The following CDKAL1 variants were observed in gnomAD, a reference collection of about 807,000 sequenced individuals.
CDKAL1 encodes the protein threonylcarbamoyladenosine tRNA methylthiotransferase.
CDKAL1 carries 32 observed loss-of-function variants against 68.2 expected under a neutral mutation model. The ratio of observed to expected loss-of-function variants is 0.47; its 90% CI spans 0.35 to 0.63. The LOEUF (loss-of-function observed/expected upper bound fraction) is 0.63. Among genes scored for constraint, CDKAL1 ranks in the 30% least tolerant of loss-of-function variants. The pLI is 0.00. For missense variants in CDKAL1, 606 were observed against 696.7 expected (o/e 0.87, Z 1.47); for synonymous variants, 234 against 244.3 (o/e 0.96, Z 0.39).
intron 13 of CDKAL1, among the ~76,000 whole-genome samples, chr6:21,110,308 C>G (rs565588303): frequency 1.3e-5 from 2 of 152,190 alleles, no homozygotes; most frequent in South Asian, 4.1e-4. Flanking sequence ...CCAGGCAAAT[C>G]TATCCATGTT....
At chr6:21,123,914 G>GC (rs1230694911) in intron 13 of CDKAL1, among the ~76,000 whole-genome samples, 2 of 152,154 alleles carry the variant, frequency 1.3e-5, no homozygotes, top group African/African-American at 2.4e-5. Context: ...CCAAATTAGT[G>GC]CCCCCCAAAG....
chr6:21,167,068 G>A (rs1262447284), intron 13 of CDKAL1, among the ~76,000 whole-genome samples: 4 of 152,178 alleles, frequency 2.6e-5, no homozygotes, highest in Non-Finnish European at 5.9e-5. Context: ...GAACAAATGA[G>A]ATAATGTAGG....
intron 13 of CDKAL1, among the ~76,000 whole-genome samples, chr6:21,186,032 G>A (rs932686712): frequency 3.3e-5 from 5 of 151,774 alleles, no homozygotes; most frequent in Non-Finnish European, 7.4e-5. Flanking sequence ...TCTTGGAGCC[G>A]GGCTCTCAGG....
intron 13 of CDKAL1, among the ~76,000 whole-genome samples, chr6:21,162,663 G>C (rs1157977966): frequency 6.6e-6 from 1 of 152,190 alleles, no homozygotes; most frequent in African/African-American, 2.4e-5. Flanking sequence ...AGTAGCTGAC[G>C]CCTGTAATCC....
intron 5 of CDKAL1, among the ~76,000 whole-genome samples, chr6:20,713,440 ATACT>A (rs1227929818): frequency 6.6e-6 from 1 of 152,180 alleles, no homozygotes; most frequent in African/African-American, 2.4e-5. Context: ...TTAGTTCCTA[ATACT>A]TACTCTCCAC....
chr6:20,923,622 C>T (rs143365296), intron 9 of CDKAL1, among the ~76,000 whole-genome samples: 2 of 152,286 alleles, frequency 1.3e-5, no homozygotes, highest in African/African-American at 2.4e-5. Flanking sequence ...CTCCCTATTG[C>T]CTGACTCACA....
intron 9 of CDKAL1, among the ~76,000 whole-genome samples, chr6:20,946,433 C>A (rs1764239794): frequency 6.6e-6 from 1 of 152,110 alleles, no homozygotes; most frequent in Non-Finnish European, 1.5e-5. Context: ...AAATAAGTGT[C>A]TTTTCCCAAT....
intron 10 of CDKAL1, among the ~76,000 whole-genome samples, chr6:20,984,352 G>A (rs932370173): frequency 6.6e-6 from 1 of 152,124 alleles, no homozygotes; most frequent in African/African-American, 2.4e-5. Context: ...AGGAGCTGGG[G>A]CAAGTGCTTT....
intron 9 of CDKAL1, among the ~76,000 whole-genome samples, chr6:20,861,075 A>G (rs1759598104): frequency 6.6e-6 from 1 of 151,992 alleles, no homozygotes; most frequent in Non-Finnish European, 1.5e-5. Flanking sequence ...TGATGGGGGT[A>G]GGAGTAGTAG....
intron 4 of CDKAL1, among the ~76,000 whole-genome samples, chr6:20,607,761 C>A (rs1235575905): frequency 6.6e-6 from 1 of 151,782 alleles, no homozygotes; most frequent in African/African-American, 2.4e-5. Flanking sequence ...GTGGTGCGAT[C>A]TCAGCTCACT....
rs755708499 is a variant in CDKAL1, at chr6:20,758,577, G to C, written c.469-18G>C. 9 of 1,325,578 alleles carry C rather than the reference G, an allele frequency of 6.8e-6. No homozygotes were observed. The Admixed American group carries it at 1.7e-4, about 25-fold the overall frequency. The allele number at this position is 1,325,578 out of a possible 1,614,324, so 82.1% of individuals were successfully genotyped here. On this transcript the variant is annotated intron_variant, in intron 6 of 15. Coordinates refer to ENST00000274695, the MANE Select transcript of CDKAL1 (RefSeq NM_017774.3). ...CTTCGTGTAAATTACTTGTGTAATC[G>C]TTTTTTTTTTTTTCCAGGTTCAGCA...
At chr6:21,167,665 T>C (rs1187211382) in intron 13 of CDKAL1, among the ~76,000 whole-genome samples, 1 of 152,234 alleles carries the variant, frequency 6.6e-6, no homozygotes, top group African/African-American at 2.4e-5. Context: ...CTGCAAAGCT[T>C]GTAAACTGAT....
intron 15 of CDKAL1, among the ~76,000 whole-genome samples, chr6:21,201,995 A>G (rs1778710292): frequency 6.6e-6 from 1 of 152,122 alleles, no homozygotes; most frequent in Non-Finnish European, 1.5e-5. Context: ...TAACATATGG[A>G]AAAAAATAAC....
intron 12 of CDKAL1, among the ~76,000 whole-genome samples, chr6:21,075,045 T>C (rs1315613339): frequency 6.6e-6 from 1 of 152,112 alleles, no homozygotes; most frequent in African/African-American, 2.4e-5. Context: ...TGTACAATTA[T>C]TGTGTGCCAA....
intron 9 of CDKAL1, among the ~76,000 whole-genome samples, chr6:20,885,492 A>G (rs1034639166): frequency 1.3e-5 from 2 of 152,206 alleles, no homozygotes; most frequent in Non-Finnish European, 2.9e-5. Flanking sequence ...TACACCATGT[A>G]CAAAAATCAA....
intron 11 of CDKAL1, among the ~76,000 whole-genome samples, chr6:21,028,575 A>G (rs901807843): frequency 6.6e-5 from 10 of 152,104 alleles, no homozygotes; most frequent in African/African-American, 1.2e-4. Flanking sequence ...TCCTTTCCCT[A>G]TAAGGACACC....
chr6:21,025,718 C>T (rs1005060709), intron 11 of CDKAL1, among the ~76,000 whole-genome samples: 1 of 152,006 alleles, frequency 6.6e-6, no homozygotes, highest in African/African-American at 2.4e-5. Context: ...GTTTTATAAA[C>T]CTCTGCTACT....
intron 9 of CDKAL1, among the ~76,000 whole-genome samples, chr6:20,906,258 T>C (rs541668792): frequency 6.6e-6 from 1 of 152,254 alleles, no homozygotes; most frequent in South Asian, 2.1e-4. Flanking sequence ...ATTTATGTTT[T>C]CGGACACACA....
At chr6:20,770,386 A>G (rs914212563) in intron 7 of CDKAL1, among the ~76,000 whole-genome samples, 7 of 152,226 alleles carry the variant, frequency 4.6e-5, no homozygotes, top group Non-Finnish European at 1.0e-4. Flanking sequence ...CACTTTGTAT[A>G]TAGAGTTTTT....
Sources: gnomAD v4.1 joint callset for allele counts (sites outside exome capture counted in the v4.1 genomes callset) on GRCh38, gnomAD v4.1.1 for gene constraint, MANE v1.5 for transcripts, NCBI Gene and HGNC (gene_info 2026-07-23, HGNC 2026-07-21) for gene names.